The following MCM10 variants were observed in gnomAD, a reference collection of about 807,000 sequenced individuals.
MCM10 encodes minichromosome maintenance 10 replication initiation factor.
MCM10 carries 91 observed loss-of-function variants against 109.9 expected under a neutral mutation model. The observed-to-expected ratio is 0.83, with a 90% confidence interval of 0.70 to 0.99. The LOEUF (loss-of-function observed/expected upper bound fraction) is 0.99, where lower values mean the gene tolerates loss of function less well. Ranked by LOEUF, MCM10 falls within the 50% of genes least tolerant of loss-of-function variation. The probability of loss-of-function intolerance (pLI) is 0.00; values close to 1 mark genes in which losing one functional copy is unlikely to be tolerated. For synonymous variants in MCM10, 380 were observed against 387.2 expected (o/e 0.98, Z 0.22); for missense variants, 1,077 against 1,061.2 (o/e 1.01, Z -0.21).
intron 13 of MCM10, among the ~76,000 whole-genome samples, chr10:13,192,903 T>G (rs1159511627): frequency 1.3e-5 from 2 of 151,872 alleles, no homozygotes; most frequent in Non-Finnish European, 2.9e-5. Context: ...TTTTTTTTTC[T>G]GAGACGGGTT....
chr10:13,198,710 C>G lies in MCM10; in HGVS notation c.2141C>G (p.Ala714Gly), dbSNP rs753387123. Residue 714 changes from alanine (A) to glycine (G), a missense_variant, in exon 16 of 20, where the codon GCC becomes GGC. Transcript: ENST00000378714. ...CTAGCTGAGGATGAATTGGAGCCTG[C>G]CAGGAAAAAAAGGAGAGAACAACTT... ...SSQAEDELEP[A>G]RKKRREQLAY... The G allele has an allele frequency of 6.8e-6, 11 of 1,612,510 alleles. No homozygotes were observed. In the Admixed American group the frequency reaches 1.8e-4, roughly 27 times the overall value.
intron 6 of MCM10, among the ~76,000 whole-genome samples, chr10:13,177,915 T>C (rs1182029390): frequency 6.6e-6 from 1 of 152,072 alleles, no homozygotes; most frequent in Non-Finnish European, 1.5e-5. Context: ...CTCGGACTTA[T>C]ATGTAAGGCA....
At chr10:13,191,453 T>G (rs1363705135) in intron 11 of MCM10, 54 bp downstream of exon 11, 1 of 1,460,576 alleles carries the variant, frequency 6.8e-7, no homozygotes. Flanking sequence ...TATGCAGCCT[T>G]AGGGATAAAA....
intron 8 of MCM10, among the ~76,000 whole-genome samples, chr10:13,183,830 G>A (rs1834240225): frequency 6.6e-6 from 1 of 152,012 alleles, no homozygotes; most frequent in African/African-American, 2.4e-5. Flanking sequence ...AACTACAGGT[G>A]CATGCCACCA....
chr10:13,192,388 A>G (rs1834359314), intron 12 of MCM10, 23 bp downstream of exon 12: 1 of 1,612,844 alleles, frequency 6.2e-7, no homozygotes, highest in Admixed American at 1.7e-5. Context: ...GCATGGCCAC[A>G]CGTGTGTCCC....
intron 8 of MCM10, among the ~76,000 whole-genome samples, chr10:13,185,409 A>G (rs1396284723): frequency 6.6e-6 from 1 of 152,200 alleles, no homozygotes; most frequent in Admixed American, 6.5e-5. Flanking sequence ...AAGGCCCTTG[A>G]GGGACTTGTC....
rs1834540559 is a variant in MCM10 at position 13,204,329 on chromosome 10, C to A, written c.2463C>A (p.Ser821Arg). The change falls in exon 18 of 20, where the codon AGC becomes AGA. Residue 821 changes from serine (S) to arginine (R), a missense_variant. Ser to Arg is a moderately radical substitution (Grantham distance 110). Transcript: ENST00000378714. ...TCAAATGTCCCTGTGGAAACAGAAGCATCTCCTTGGACAGACTCCCGAACA... is the reference window on the plus strand; with the variant it reads ...TCAAATGTCCCTGTGGAAACAGAAGAATCTCCTTGGACAGACTCCCGAACA... ...RFFKCPCGNR[S>R]ISLDRLPNKH... 1 of 1,614,102 alleles carries A rather than the reference C, an allele frequency of 6.2e-7. No homozygotes were observed. Among genetic ancestry groups the A allele is most frequent in the Admixed American group, 1.7e-5 (1 of 60,010 alleles).
chr10:13,162,861 C>T (rs891991340), intron 1 of MCM10, among the ~76,000 whole-genome samples: 1 of 152,156 alleles, frequency 6.6e-6, no homozygotes, highest in African/African-American at 2.4e-5. Context: ...GGACGGATCA[C>T]CAGGTCAGGA....
chr10:13,184,362 C>T (rs1834248127), intron 8 of MCM10, among the ~76,000 whole-genome samples: 1 of 152,232 alleles, frequency 6.6e-6, no homozygotes. Context: ...GATTTTGCTC[C>T]GTTGACTGTG....
intron 18 of MCM10, chr10:13,204,637 G>T: frequency 3.1e-6 from 1 of 325,936 alleles, no homozygotes. Context: ...CATAGGGTGA[G>T]GTGGTAAACA....
In MCM10 at chr10:13,201,850, C is replaced by T. The variant is rs894568345; in HGVS notation, c.2352+316C>T. 1.8e-5 allele frequency: 5 copies of T among 275,550 alleles called. No homozygotes were observed. In the Admixed American group the frequency reaches 1.9e-4, roughly 11 times the overall value. The allele number at this position is 275,550 out of a possible 1,614,324, so 17.1% of individuals were successfully genotyped here. On this transcript the variant is annotated intron_variant, in intron 17 of 19. Transcript: ENST00000378714. ...CTGACTGCTCTTTCTCAGGTTTTGG[C>T]GTATCCTCGCTCAGCGTTCTCAGGC...
chr10:13,176,899 A>G (rs1230539045), intron 6 of MCM10, among the ~76,000 whole-genome samples: 1 of 152,218 alleles, frequency 6.6e-6, no homozygotes, highest in African/African-American at 2.4e-5. Context: ...GTTTCCACAA[A>G]CAAGAAGTGT....
rs759657750 is a variant in MCM10 at position 13,195,288 on chromosome 10, C to T, written c.1974+19C>T. On this transcript the variant is annotated intron_variant, in intron 14 of 19. Transcript: ENST00000378714. ...CAAAAAGGTAACTGGCATCTCTTCTCTTTAGCACTTGAGTTTGCATTCTGT... is the reference window on the plus strand; with the variant it reads ...CAAAAAGGTAACTGGCATCTCTTCTTTTTAGCACTTGAGTTTGCATTCTGT... 2 of 1,556,478 alleles carry T rather than the reference C, an allele frequency of 1.3e-6. No individual in the cohort carries two copies. Among genetic ancestry groups the T allele is most frequent in the African/African-American group, 2.7e-5 (2 of 73,734 alleles).
Position 13,172,838 on chromosome 10 carries a change from G to A in MCM10, c.592+73G>A. ...TGTGTGTGGGGGTGTTCATGTGTGTGTGGGTGTCTGTGTCTTTTGGTCTGT... is the reference window on the plus strand; with the variant it reads ...TGTGTGTGGGGGTGTTCATGTGTGTATGGGTGTCTGTGTCTTTTGGTCTGT... On this transcript the variant is annotated intron_variant, in intron 5 of 19. Coordinates refer to ENST00000378714, the MANE Select transcript of MCM10 (RefSeq NM_018518.5). This position sits in a 1 kb window ranked among gnomAD's most constrained non-coding sequence, Gnocchi z 5.2. The A allele has an allele frequency of 9.0e-6, 13 of 1,441,002 alleles. No homozygotes were observed. Among genetic ancestry groups the A allele is most frequent in the Non-Finnish European group, 1.2e-5 (13 of 1,044,362 alleles). The allele number at this position is 1,441,002 out of a possible 1,614,324, so 89.3% of individuals were successfully genotyped here. A position where few individuals can be genotyped will look rare whatever the true frequency, so the allele number is the denominator to read the frequency against.
chr10:13,191,524 T>C, intron 11 of MCM10, 125 bp downstream of exon 11: 1 of 688,896 alleles, frequency 1.5e-6, no homozygotes, highest in Non-Finnish European at 2.5e-6. Flanking sequence ...ATCTCAGAAA[T>C]CACCACTAAG....
chr10:13,166,804 C>T (rs540277621), intron 2 of MCM10, among the ~76,000 whole-genome samples: 1 of 151,714 alleles, frequency 6.6e-6, no homozygotes, highest in Admixed American at 6.6e-5. Flanking sequence ...AATCTTTAAG[C>T]AGTGCTGAAT....
At chr10:13,186,339 C>A in intron 9 of MCM10, 59 bp downstream of exon 9, 1 of 1,165,920 alleles carries the variant, frequency 8.6e-7, no homozygotes, top group Non-Finnish European at 1.3e-6. Flanking sequence ...TAGGAATAAA[C>A]TGTTGGTGCT....
intron 2 of MCM10, among the ~76,000 whole-genome samples, chr10:13,167,662 G>A (rs1351129439): frequency 1.3e-5 from 2 of 151,932 alleles, no homozygotes; most frequent in Admixed American, 6.5e-5. Flanking sequence ...CCAGCGTCTG[G>A]TGTCTTGAAC....
At chr10:13,166,649 A>ATACATATAT in intron 2 of MCM10, among the ~76,000 whole-genome samples, 1 of 41,524 alleles carries the variant, frequency 2.4e-5, no homozygotes, top group African/African-American at 7.7e-5. Flanking sequence ...AAAAAAAAAA[A>ATACATATAT]ATACATACAT....
Sources: gnomAD v4.1 joint callset for allele counts (sites outside exome capture counted in the v4.1 genomes callset) on GRCh38, gnomAD v4.1.1 for gene constraint, Gnocchi (gnomAD v3.1) non-coding constraint, MANE v1.5 for transcripts, NCBI Gene and HGNC (gene_info 2026-07-23, HGNC 2026-07-21) for gene names.